ADRA1B: variants seen among roughly 807,000 people sequenced by gnomAD.
ADRA1B encodes the protein adrenoceptor alpha 1B.
ADRA1B carries 17 observed loss-of-function variants against 17.9 expected under a neutral mutation model. The observed-to-expected ratio is 0.95, with a 90% confidence interval of 0.65 to 1.42. The LOEUF is 1.42. Ranked by LOEUF, ADRA1B falls within the 40% of genes most tolerant of loss-of-function variation. ADRA1B has a pLI of 0.00. For missense variants in ADRA1B, 681 were observed against 722.1 expected, an observed-to-expected ratio of 0.94 and a Z score of 0.65; for synonymous variants, 366 against 327.6, an observed-to-expected ratio of 1.12 and a Z score of -1.27.
At chr5:159,958,731 G>C (rs1212419422) in intron 1 of ADRA1B, among the ~76,000 whole-genome samples, 1 of 152,204 alleles carries the variant, frequency 6.6e-6, no homozygotes, top group Non-Finnish European at 1.5e-5. Flanking sequence ...CTTGGATAGA[G>C]ACTTCCTATA....
chr5:159,925,386 TG>T, intron 1 of ADRA1B, among the ~76,000 whole-genome samples: 1 of 152,368 alleles, frequency 6.6e-6, no homozygotes, highest in Middle Eastern at 3.4e-3. Context: ...AACTTATTAT[TG>T]GTAATGTCAC....
chr5:159,979,697 A>G, the ADRA1B span, among the ~76,000 whole-genome samples: 2 of 152,046 alleles, frequency 1.3e-5, no homozygotes, highest in Non-Finnish European at 2.9e-5. Flanking sequence ...GTGAAACCCC[A>G]TCTCTACTAA....
intron 1 of ADRA1B, among the ~76,000 whole-genome samples, chr5:159,887,168 G>A (rs746966571): frequency 5.3e-5 from 8 of 152,238 alleles, no homozygotes; most frequent in East Asian, 1.9e-4. Flanking sequence ...ACTAGACTAC[G>A]TACAATTCAG....
chr5:159,882,971 T>A (rs1753878491), intron 1 of ADRA1B, among the ~76,000 whole-genome samples: 1 of 152,086 alleles, frequency 6.6e-6, no homozygotes, highest in Admixed American at 6.5e-5. Flanking sequence ...AGATTCAAGG[T>A]CCTAGGAGAG....
intron 1 of ADRA1B, among the ~76,000 whole-genome samples, chr5:159,927,903 G>C (rs1754706301): frequency 6.6e-6 from 1 of 152,160 alleles, no homozygotes; most frequent in Non-Finnish European, 1.5e-5. Context: ...AAGGAAAAAT[G>C]TGACTTACTA....
chr5:159,972,541 G>A lies in ADRA1B; in HGVS notation c.*49G>A. The A allele has an allele frequency of 1.0e-6, 1 of 993,080 alleles. No homozygotes were observed. The highest frequency in any genetic ancestry group is 1.3e-6 in the Non-Finnish European group (1 of 749,824). The allele number at this position is 993,080 out of a possible 1,614,324, so 61.5% of individuals were successfully genotyped here. A position where few individuals can be genotyped will look rare whatever the true frequency, so the allele number is the denominator to read the frequency against. Reference sequence around the variant, plus strand: ...CCCTGGGGAGGAAAACATCGTGGGGGGGAGGGGAGGGCGGGGCGGAGGGGG... The same window carrying A: ...CCCTGGGGAGGAAAACATCGTGGGGAGGAGGGGAGGGCGGGGCGGAGGGGG... On this transcript the variant is annotated 3_prime_UTR_variant, in exon 2 of 2. Coordinates refer to ENST00000306675, the MANE Select transcript of ADRA1B (RefSeq NM_000679.4).
intron 1 of ADRA1B, among the ~76,000 whole-genome samples, chr5:159,908,108 C>T (rs1165390445): frequency 6.6e-6 from 1 of 152,082 alleles, no homozygotes; most frequent in Non-Finnish European, 1.5e-5. Flanking sequence ...CTTAAGGTTC[C>T]CCAGGAAGTG....
At chr5:159,974,031 A>G (rs1755934984), downstream of ADRA1B, among the ~76,000 whole-genome samples, 1 of 152,188 alleles carries the variant, frequency 6.6e-6, no homozygotes, top group Non-Finnish European at 1.5e-5. Context: ...TTCCAATAAT[A>G]TTAGCACATC....
chr5:159,887,099 A>G (rs1753933370), intron 1 of ADRA1B, among the ~76,000 whole-genome samples: 4 of 152,182 alleles, frequency 2.6e-5, no homozygotes. Context: ...GACTCATTCA[A>G]AGAAACTCTC....
chr5:159,867,894 C>T (rs1393673695), intron 1 of ADRA1B: 5 of 152,162 alleles, frequency 3.3e-5, no homozygotes, highest in Admixed American at 2.6e-4. Context: ...GCTTTCTTCA[C>T]CACAAGTGTG....
the ADRA1B span, among the ~76,000 whole-genome samples, chr5:159,984,112 G>A: frequency 6.6e-6 from 1 of 151,936 alleles, no homozygotes; most frequent in Non-Finnish European, 1.5e-5. Context: ...CTCCTTCTCA[G>A]TGGAGAAACT....
chr5:159,988,145 G>A, the ADRA1B span, among the ~76,000 whole-genome samples: 1 of 152,144 alleles, frequency 6.6e-6, no homozygotes, highest in Non-Finnish European at 1.5e-5. Context: ...AACAGAAGCA[G>A]GAGAACAAAG....
At chr5:159,946,707 G>C (rs936108393) in intron 1 of ADRA1B, among the ~76,000 whole-genome samples, 1 of 152,202 alleles carries the variant, frequency 6.6e-6, no homozygotes, top group Non-Finnish European at 1.5e-5. Flanking sequence ...TAAAATTATA[G>C]TATAATATTG....
chr5:159,969,725 C>T (rs1157111450), intron 1 of ADRA1B, among the ~76,000 whole-genome samples: 1 of 152,138 alleles, frequency 6.6e-6, no homozygotes, highest in Non-Finnish European at 1.5e-5. Context: ...GGGACAGAGA[C>T]ATGGTTAGAA....
chr5:159,868,073 A>T (rs1040894142), intron 1 of ADRA1B: 1 of 152,240 alleles, frequency 6.6e-6, no homozygotes, highest in Non-Finnish European at 1.5e-5. Context: ...AATTTTAGGA[A>T]GATGACTAAC....
intron 1 of ADRA1B, among the ~76,000 whole-genome samples, chr5:159,879,030 G>T (rs893171606): frequency 2.0e-5 from 3 of 151,952 alleles, no homozygotes; most frequent in African/African-American, 7.3e-5. Flanking sequence ...AGGCAGGTCG[G>T]GTCTGCTACT....
intron 1 of ADRA1B, among the ~76,000 whole-genome samples, chr5:159,902,536 C>T (rs1352722246): frequency 6.6e-6 from 1 of 152,064 alleles, no homozygotes; most frequent in African/African-American, 2.4e-5. Context: ...GAAGTTGAAC[C>T]TATTCAAAGA....
chr5:159,950,282 T>G (rs1279873766), intron 1 of ADRA1B, among the ~76,000 whole-genome samples: 1 of 151,988 alleles, frequency 6.6e-6, no homozygotes, highest in Non-Finnish European at 1.5e-5. Context: ...GGAGAATTTT[T>G]TCTTTTTTTG....
intron 1 of ADRA1B, among the ~76,000 whole-genome samples, chr5:159,889,328 C>T (rs1195712083): frequency 6.6e-6 from 1 of 151,924 alleles, no homozygotes; most frequent in African/African-American, 2.4e-5. Flanking sequence ...TCCTCCCTCT[C>T]CCCATCACAA....
Sources: allele counts gnomAD v4.1 joint callset (sites outside exome capture counted in the v4.1 genomes callset), GRCh38; gene constraint gnomAD v4.1.1; transcripts MANE v1.5; gene names NCBI Gene and HGNC (gene_info 2026-07-23, HGNC 2026-07-21).